OTUD7A: variants seen among roughly 807,000 people sequenced by gnomAD.
OTUD7A encodes the protein OTU deubiquitinase 7A, also known as OTU domain-containing protein 7A.
A neutral mutation model predicts 65.7 loss-of-function variants in OTUD7A; 12 were observed. The observed-to-expected ratio is 0.18, with a 90% CI of 0.12 to 0.30. OTUD7A has a LOEUF of 0.30. Ranked by LOEUF, OTUD7A falls within the 10% of genes least tolerant of loss-of-function variation. OTUD7A has a pLI of 1.00. For missense variants in OTUD7A, 1,148 were observed against 1,304.8 expected (o/e 0.88, Z 1.85); for synonymous variants, 641 against 586.3 (o/e 1.09, Z -1.35).
At chr15:31,594,292 C>T (rs1430550292) in intron 3 of OTUD7A, among the ~76,000 whole-genome samples, 2 of 152,260 alleles carry the variant, frequency 1.3e-5, no homozygotes, top group South Asian at 2.1e-4. Flanking sequence ...TAAAAATTCC[C>T]GAGGCACCTT....
intron 1 of OTUD7A, among the ~76,000 whole-genome samples, chr15:31,713,998 A>C (rs1345910630): frequency 4.8e-5 from 7 of 144,856 alleles, no homozygotes; most frequent in African/African-American, 1.7e-4. Flanking sequence ...CAAAGATGTG[A>C]CGCAACCAGG....
At chr15:31,721,594 A>G (rs1200220692) in intron 1 of OTUD7A, among the ~76,000 whole-genome samples, 1 of 152,112 alleles carries the variant, frequency 6.6e-6, no homozygotes, top group Non-Finnish European at 1.5e-5. Context: ...TAAAAAAGAC[A>G]AAGCCCTATC....
chr15:31,822,368 G>A (rs188298785), intron 1 of OTUD7A, among the ~76,000 whole-genome samples: 142 of 152,254 alleles, frequency 9.3e-4, no homozygotes, highest in African/African-American at 3.3e-3. Flanking sequence ...TGGGCATCAC[G>A]GACCCCGCAC....
chr15:31,489,186 C>CT (rs920466209), intron 10 of OTUD7A, among the ~76,000 whole-genome samples: 9 of 152,306 alleles, frequency 5.9e-5, no homozygotes, highest in Non-Finnish European at 1.0e-4. Flanking sequence ...GGCACAGGCT[C>CT]TCCCCATCCA....
intron 1 of OTUD7A, among the ~76,000 whole-genome samples, chr15:31,801,328 G>A (rs892728423): frequency 6.6e-6 from 1 of 152,240 alleles, no homozygotes; most frequent in Non-Finnish European, 1.5e-5. Flanking sequence ...CGGAACACCA[G>A]GAACTGCACT....
chr15:31,599,188 C>G (rs1291983566), intron 3 of OTUD7A, among the ~76,000 whole-genome samples: 1 of 152,232 alleles, frequency 6.6e-6, no homozygotes. Flanking sequence ...AAGTGGGTCC[C>G]TGACCCCTGT....
At chr15:31,669,623 C>G (rs935077322) in intron 1 of OTUD7A, among the ~76,000 whole-genome samples, 15 of 152,214 alleles carry the variant, frequency 9.9e-5, no homozygotes, top group Non-Finnish European at 1.9e-4. Flanking sequence ...TGTGGAGAGT[C>G]TGCAGGACAG....
At chr15:31,571,112 T>C (rs1889041298) in intron 3 of OTUD7A, among the ~76,000 whole-genome samples, 1 of 152,178 alleles carries the variant, frequency 6.6e-6, no homozygotes, top group Non-Finnish European at 1.5e-5. Context: ...TCATTATACA[T>C]TGTAGGCTGG....
intron 5 of OTUD7A, among the ~76,000 whole-genome samples, chr15:31,540,107 T>C (rs183586936): frequency 6.6e-5 from 10 of 152,326 alleles, no homozygotes; most frequent in Admixed American, 5.9e-4. Flanking sequence ...TGAGTTGAAA[T>C]TTTTAGTTTG....
intron 1 of OTUD7A, among the ~76,000 whole-genome samples, chr15:31,764,801 G>A (rs922562864): frequency 5.9e-5 from 9 of 152,086 alleles, no homozygotes; most frequent in African/African-American, 2.2e-4. Context: ...AAAACTCCTC[G>A]GGTGAGTCTA....
At chr15:31,553,147 C>A (rs1412056049) in intron 5 of OTUD7A, among the ~76,000 whole-genome samples, 2 of 152,104 alleles carry the variant, frequency 1.3e-5, no homozygotes, top group African/African-American at 2.4e-5. Context: ...ATATTTGGCA[C>A]CACTGATTGC....
intron 9 of OTUD7A, 86 bp downstream of exon 9, chr15:31,503,605 C>T (rs769736614): frequency 1.6e-5 from 25 of 1,560,828 alleles, no homozygotes; most frequent in East Asian, 6.7e-5. Context: ...TCTGGGAGCT[C>T]GACCTTGTGC....
chr15:31,538,888 C>G (rs1887892879), intron 5 of OTUD7A, among the ~76,000 whole-genome samples: 1 of 152,170 alleles, frequency 6.6e-6, no homozygotes. Context: ...CGCTGTAACA[C>G]CAACATGAAT....
chr15:31,535,346 T>C (rs769811657), intron 5 of OTUD7A, among the ~76,000 whole-genome samples: 9 of 152,176 alleles, frequency 5.9e-5, no homozygotes, highest in Non-Finnish European at 1.2e-4. Flanking sequence ...AGGTGCCTAC[T>C]TCCCCTTCCC....
At position 31,848,774 on chromosome 15, in the gene OTUD7A, T is replaced by C. The variant is rs570393822; in HGVS notation, c.-100+21733A>G. ...TTGCCTCTGCCCAGCTGAGAGTTCC[T>C]GGAGGGGCCCACATTGCTCCAACAG... is the stretch of plus-strand genomic sequence containing the variant. On this transcript the variant is annotated intron_variant, in intron 1 of 12. Transcript: ENST00000307050. Among the ~76,000 whole-genome samples the C allele has an allele frequency of 3.9e-5, 6 of 152,344 alleles. 1 individual carries two copies. The highest frequency in any genetic ancestry group is 1.4e-4 in the African/African-American group (6 of 41,594).
intron 10 of OTUD7A, among the ~76,000 whole-genome samples, chr15:31,496,984 T>A (rs1298182784): frequency 1.3e-5 from 2 of 152,208 alleles, no homozygotes; most frequent in Non-Finnish European, 2.9e-5. Flanking sequence ...CTTGGTGTGA[T>A]CATCTGTAAG....
rs181410903 is a variant in OTUD7A, at chr15:31,521,775, T to G, written c.893+4574A>C. On this transcript the variant is annotated intron_variant, in intron 8 of 12. Transcript: ENST00000307050. ...AACTACAAAGAGAAAGCAGAGAGGT[T>G]AGCATGTGAGAAAAGTAAGGACCTA... 7.9e-5 allele frequency among the ~76,000 whole-genome samples: 12 copies of G among 152,234 alleles called. No homozygotes were observed. In the East Asian group the frequency reaches 2.1e-3, roughly 27 times the overall value.
intron 1 of OTUD7A, among the ~76,000 whole-genome samples, chr15:31,864,444 G>C (rs929860531): frequency 3.3e-5 from 5 of 152,196 alleles, no homozygotes; most frequent in Admixed American, 3.3e-4. Context: ...TTACGGCAGG[G>C]AGCGAAAGGC....
At chr15:31,547,844 T>C (rs1249983313) in intron 5 of OTUD7A, among the ~76,000 whole-genome samples, 2 of 152,112 alleles carry the variant, frequency 1.3e-5, no homozygotes, top group Non-Finnish European at 2.9e-5. Flanking sequence ...ACACAAAACA[T>C]TGGCTAGTCC....
Sources: gnomAD v4.1 joint callset for allele counts (sites outside exome capture counted in the v4.1 genomes callset) on GRCh38, gnomAD v4.1.1 for gene constraint, MANE v1.5 for transcripts, NCBI Gene and HGNC (gene_info 2026-07-23, HGNC 2026-07-21) for gene names.